Variants in SEPSECS observed in about 807,000 individuals in gnomAD.
SEPSECS encodes Sep (O-phosphoserine) tRNA:Sec (selenocysteine) tRNA synthase, also known as O-phosphoseryl-tRNA(Sec) selenium transferase.
SEPSECS carries 42 observed loss-of-function variants against 52.1 expected under a neutral mutation model. That is an observed-to-expected ratio of 0.81 (90% confidence interval 0.63 to 1.04). The LOEUF (loss-of-function observed/expected upper bound fraction) is 1.04. SEPSECS is among the 50% of genes least tolerant of loss of function. The pLI is 0.00. For missense variants in SEPSECS, 590 were observed against 610.6 expected (o/e 0.97, Z 0.36); for synonymous variants, 216 against 211.4 (o/e 1.02, Z -0.19).
rs902047473 is a variant in SEPSECS, at chr4:25,122,115, C to G, written c.*1816G>C. The G allele has an allele frequency of 2.0e-5, 3 of 152,142 alleles. No homozygotes were observed. Among genetic ancestry groups the G allele is most frequent in the Non-Finnish European group, 4.4e-5 (3 of 67,994 alleles). 9.4% of individuals were successfully genotyped at this position (152,142 alleles called of 1,614,324 possible). On this transcript the variant is annotated 3_prime_UTR_variant, in exon 11 of 11. Coordinates refer to ENST00000382103, the MANE Select transcript of SEPSECS (RefSeq NM_016955.4). ...GAAAAATTTACACTTTTTAATCCAGCATTTATTCCCTTGAAATGAGTTACT... is the reference window on the plus strand; with the variant it reads ...GAAAAATTTACACTTTTTAATCCAGGATTTATTCCCTTGAAATGAGTTACT...
intron 8 of SEPSECS, among the ~76,000 whole-genome samples, chr4:25,136,062 T>C (rs563848383): frequency 1.3e-5 from 2 of 152,142 alleles, no homozygotes; most frequent in East Asian, 3.8e-4. Flanking sequence ...CTCAAAATAA[T>C]AATAGCCATT....
At position 25,156,837 on chromosome 4, in the gene SEPSECS, T is replaced by C. The variant is rs1712687255; in HGVS notation, c.388+19A>G. The C allele has an allele frequency of 7.8e-7, 1 of 1,276,260 alleles. No homozygotes were observed. The highest frequency in any genetic ancestry group is 1.5e-5 in the African/African-American group (1 of 68,134). 79.1% of individuals were successfully genotyped at this position (1,276,260 alleles called of 1,614,324 possible). ...TGTGTCCAGACAGCCAAAAGCATTA[T>C]GATTAAGACGGTACATACCAGCCAG... On this transcript the variant is annotated intron_variant, in intron 3 of 10. Transcript: ENST00000382103.
At chr4:25,158,820 A>G in intron 2 of SEPSECS, 133 bp downstream of exon 2, 2 of 858,616 alleles carry the variant, frequency 2.3e-6, no homozygotes, top group Non-Finnish European at 3.7e-6. Flanking sequence ...TTTGGCTTAC[A>G]TATCCATTAG....
At position 25,122,142 on chromosome 4, in the gene SEPSECS, C is replaced by A. The variant is rs1043060724; in HGVS notation, c.*1789G>T. On this transcript the variant is annotated 3_prime_UTR_variant, in exon 11 of 11. Transcript: ENST00000382103. ...TTTATTCCCTTGAAATGAGTTACTA[C>A]ACCTATGTAAATTTTTTTAATGTTT... is the stretch of plus-strand genomic sequence containing the variant. 1.3e-5 allele frequency: 2 copies of A among 152,116 alleles called. No individual in the cohort carries two copies. Among genetic ancestry groups the A allele is most frequent in the African/African-American group, 2.4e-5 (1 of 41,434 alleles). 9.4% of individuals were successfully genotyped at this position (152,116 alleles called of 1,614,324 possible).
chr4:25,123,743 G>A lies in SEPSECS; in HGVS notation c.*188C>T. ...ATTATAACCTGTTAAGGATCACAAG[G>A]ATTGATGCAGTCTAAGAATGGGAAA... is the stretch of plus-strand genomic sequence containing the variant. On this transcript the variant is annotated 3_prime_UTR_variant, in exon 11 of 11. Coordinates refer to ENST00000382103, the MANE Select transcript of SEPSECS (RefSeq NM_016955.4). 1.0e-5 allele frequency: 6 copies of A among 598,896 alleles called. No individual in the cohort carries two copies. Among genetic ancestry groups the A allele is most frequent in the Non-Finnish European group, 1.5e-5 (5 of 335,520 alleles). 37.1% of individuals were successfully genotyped at this position (598,896 alleles called of 1,614,324 possible). A position where few individuals can be genotyped will look rare whatever the true frequency, so the allele number is the denominator to read the frequency against.
intron 8 of SEPSECS, among the ~76,000 whole-genome samples, chr4:25,142,876 G>C (rs988766404): frequency 6.6e-6 from 1 of 152,180 alleles, no homozygotes; most frequent in African/African-American, 2.4e-5. Flanking sequence ...AAATATTCTA[G>C]AGTCTTTTAA....
chr4:25,144,213 G>A (rs190973485), intron 8 of SEPSECS, among the ~76,000 whole-genome samples: 244 of 151,236 alleles, frequency 1.6e-3, no homozygotes, highest in African/African-American at 5.5e-3. Context: ...GGTGGCGGGC[G>A]CTTGTAATCC....
Position 25,144,855 on chromosome 4 carries a change from T to C in SEPSECS, c.945A>G (p.Ser315=), listed in dbSNP as rs367745041. The change falls in exon 8 of 11, where the codon TCA becomes TCG. Residue 315 remains serine (S), a synonymous_variant. Transcript: ENST00000382103. ...TAAGGACATCTAAAGAAGGTGAAGC[T>C]GAAGCTCTTCCTGAAATAAGAAGGA... ...EISKMYPGRA[S]ASPSLDVLIT... The C allele has an allele frequency of 5.6e-6, 9 of 1,612,530 alleles. No homozygotes were observed. In the African/African-American group the frequency reaches 1.2e-4, roughly 22 times the overall value.
At chr4:25,154,865 G>T in intron 5 of SEPSECS, 133 bp downstream of exon 5, 3 of 961,664 alleles carry the variant, frequency 3.1e-6, no homozygotes, top group Non-Finnish European at 3.2e-6. Flanking sequence ...TTCTCCACAA[G>T]GTCAATCTAT....
intron 5 of SEPSECS, among the ~76,000 whole-genome samples, chr4:25,154,527 G>A (rs1012344177): frequency 5.3e-5 from 8 of 151,724 alleles, no homozygotes; most frequent in Admixed American, 1.3e-4. Context: ...TTCTCAAAAC[G>A]CAGACAATGA....
At chr4:25,131,318 G>C (rs1035028914) in intron 8 of SEPSECS, among the ~76,000 whole-genome samples, 1 of 152,110 alleles carries the variant, frequency 6.6e-6, no homozygotes, top group Non-Finnish European at 1.5e-5. Flanking sequence ...AATAAAAATG[G>C]AACCTCACAT....
chr4:25,138,314 T>A (rs905257671), intron 8 of SEPSECS, among the ~76,000 whole-genome samples: 1 of 152,152 alleles, frequency 6.6e-6, no homozygotes, highest in Non-Finnish European at 1.5e-5. Context: ...TTGTTAGTTA[T>A]AATATATTCC....
At chr4:25,150,281 A>T (rs1712220692) in intron 6 of SEPSECS, among the ~76,000 whole-genome samples, 2 of 152,242 alleles carry the variant, frequency 1.3e-5, no homozygotes, top group African/African-American at 4.8e-5. Flanking sequence ...CTGTATGTGT[A>T]TATTAACATC....
intron 8 of SEPSECS, among the ~76,000 whole-genome samples, chr4:25,132,327 T>A (rs1728643201): frequency 6.6e-6 from 1 of 152,138 alleles, no homozygotes; most frequent in Admixed American, 6.5e-5. Flanking sequence ...ACCAATAATA[T>A]AAAAAGGAGC....
chr4:25,154,685 T>A (rs1712510140), intron 5 of SEPSECS, among the ~76,000 whole-genome samples: 1 of 151,964 alleles, frequency 6.6e-6, no homozygotes, highest in Non-Finnish European at 1.5e-5. Context: ...AAAAGAAACT[T>A]CTATTAAATA....
At chr4:25,159,377 G>A (rs1402180403) in intron 1 of SEPSECS, 7 of 448,168 alleles carry the variant, frequency 1.6e-5, no homozygotes, top group Non-Finnish European at 2.4e-5. Context: ...GAAACTAACT[G>A]AAAACCAATA....
intron 8 of SEPSECS, among the ~76,000 whole-genome samples, chr4:25,127,779 T>C (rs998930970): frequency 6.6e-6 from 1 of 152,202 alleles, no homozygotes; most frequent in African/African-American, 2.4e-5. Flanking sequence ...CAGTTCATGC[T>C]TCTCCCCTGA....
intron 6 of SEPSECS, among the ~76,000 whole-genome samples, chr4:25,150,858 T>G (rs1036503219): frequency 6.6e-6 from 1 of 152,000 alleles, no homozygotes; most frequent in Non-Finnish European, 1.5e-5. Context: ...ATACAAAAAG[T>G]TGGCTGGGTG....
At chr4:25,158,900 T>C (rs775952404) in intron 2 of SEPSECS, 53 bp downstream of exon 2, 38 of 1,545,556 alleles carry the variant, frequency 2.5e-5, no homozygotes, top group Non-Finnish European at 3.3e-5. Flanking sequence ...GCCATTATTT[T>C]GAACCAAAAA....
Sources: gnomAD v4.1 joint callset for allele counts (sites outside exome capture counted in the v4.1 genomes callset) on GRCh38, gnomAD v4.1.1 for gene constraint, MANE v1.5 for transcripts, NCBI Gene and HGNC (gene_info 2026-07-23, HGNC 2026-07-21) for gene names.